EDNRB: variants seen among roughly 807,000 people sequenced by gnomAD.
EDNRB encodes Hirschsprung disease 2.
Under a neutral mutation model 46.4 loss-of-function variants are expected in EDNRB, and 18 were observed. The observed-to-expected ratio is 0.39, with a 90% CI of 0.27 to 0.57. The LOEUF is 0.57. Among genes scored for constraint, EDNRB ranks in the 20% least tolerant of loss-of-function variants. The pLI is 0.61. For synonymous variants in EDNRB, 213 were observed against 204.9 expected, an observed-to-expected ratio of 1.04 and a Z score of -0.34; for missense variants, 434 against 537.5, an observed-to-expected ratio of 0.81 and a Z score of 1.90.
At chr13:77,942,943 A>C (rs918390356) in intron 1 of EDNRB, among the ~76,000 whole-genome samples, 4 of 152,152 alleles carry the variant, frequency 2.6e-5, no homozygotes, top group African/African-American at 9.6e-5. Flanking sequence ...GTATTTGCAA[A>C]GATCTGCCTA....
intron 1 of EDNRB, among the ~76,000 whole-genome samples, chr13:77,940,587 A>C (rs1347261192): frequency 6.6e-6 from 1 of 152,236 alleles, no homozygotes. Context: ...CACCAACTTA[A>C]GATGACTGTG....
chr13:77,897,660 C>T lies in EDNRB; in HGVS notation c.*540G>A, dbSNP rs202145168. ...TGATCATTTAAATGTTTCCAGTGTC[C>T]GAAAAATGCAACAACTAAACTGCTC... On this transcript the variant is annotated 3_prime_UTR_variant, in exon 7 of 7. Coordinates refer to ENST00000646607, the MANE Select transcript of EDNRB (RefSeq NM_001122659.3). The T allele has an allele frequency of 2.0e-5, 20 of 986,198 alleles. No homozygotes were observed. Among genetic ancestry groups the T allele is most frequent in the African/African-American group, 1.2e-4 (7 of 57,128 alleles). 61.1% of individuals were successfully genotyped at this position (986,198 alleles called of 1,614,324 possible). A position where few individuals can be genotyped will look rare whatever the true frequency, so the allele number is the denominator to read the frequency against.
chr13:77,906,539 T>A (rs1436222106), intron 1 of EDNRB, among the ~76,000 whole-genome samples: 1 of 152,006 alleles, frequency 6.6e-6, no homozygotes, highest in Non-Finnish European at 1.5e-5. Context: ...GGAACACTTA[T>A]TCTGGGGGAG....
At chr13:77,947,224 T>C (rs918891102) in intron 1 of EDNRB, among the ~76,000 whole-genome samples, 5 of 152,160 alleles carry the variant, frequency 3.3e-5, no homozygotes, top group Admixed American at 6.5e-5. Flanking sequence ...GGCACTGTTT[T>C]TGCAATCATC....
At chr13:77,965,325 A>T (rs890084739) in intron 1 of EDNRB, among the ~76,000 whole-genome samples, 7 of 152,202 alleles carry the variant, frequency 4.6e-5, no homozygotes, top group African/African-American at 1.7e-4. Context: ...AAGTGTGAAC[A>T]TTAGATTAAA....
intron 1 of EDNRB, among the ~76,000 whole-genome samples, chr13:77,960,467 C>A (rs954491164): frequency 6.6e-6 from 1 of 152,102 alleles, no homozygotes; most frequent in African/African-American, 2.4e-5. Flanking sequence ...GAAATAAAAT[C>A]CTTTACAGAC....
At chr13:77,971,385 A>G (rs1881724736) in intron 1 of EDNRB, among the ~76,000 whole-genome samples, 1 of 152,180 alleles carries the variant, frequency 6.6e-6, no homozygotes, top group Non-Finnish European at 1.5e-5. Flanking sequence ...TAACAGGGCC[A>G]TTGCTGCCAG....
intron 1 of EDNRB, among the ~76,000 whole-genome samples, chr13:77,952,913 G>A (rs1399172093): frequency 6.6e-6 from 1 of 152,140 alleles, no homozygotes; most frequent in African/African-American, 2.4e-5. Flanking sequence ...TATGGAAAGC[G>A]TTGTACAAGG....
intron 1 of EDNRB, among the ~76,000 whole-genome samples, chr13:77,945,876 C>CAAAAAAAAAAAAAAAAA (rs67463440): frequency 1.7e-5 from 2 of 115,586 alleles, no homozygotes; most frequent in African/African-American, 3.2e-5. Flanking sequence ...TGCAAAAAAC[C>CAAAAAAAAAAAAAAAAA]AAAAAAAAAA....
At chr13:77,899,187 G>C (rs1878795360) in intron 6 of EDNRB, among the ~76,000 whole-genome samples, 1 of 151,844 alleles carries the variant, frequency 6.6e-6, no homozygotes. Context: ...GGCTGCCTTA[G>C]TGTTTACGCG....
upstream of EDNRB, chr13:77,919,061 T>A: frequency 1.9e-6 from 1 of 534,954 alleles, no homozygotes; most frequent in Non-Finnish European, 2.8e-6. Flanking sequence ...GGGGAACCTC[T>A]ATACCCCGCG....
intron 1 of EDNRB, among the ~76,000 whole-genome samples, chr13:77,964,692 G>T (rs950396711): frequency 6.6e-6 from 1 of 152,120 alleles, no homozygotes; most frequent in Non-Finnish European, 1.5e-5. Flanking sequence ...AAGAGTTAAT[G>T]GGTGTAGCAC....
At chr13:77,905,738 C>A (rs1008116345) in intron 1 of EDNRB, among the ~76,000 whole-genome samples, 1 of 152,018 alleles carries the variant, frequency 6.6e-6, no homozygotes, top group African/African-American at 2.4e-5. Context: ...GTAAGCCATG[C>A]GAAGAGCATT....
rs1046252347 is a variant in EDNRB at position 77,903,100 on chromosome 13, T to C, written c.801+56A>G. On this transcript the variant is annotated intron_variant, in intron 3 of 6. Transcript: ENST00000646607. ...CAAGGAGTGGGGAACAGGGGAAAAATAGCTAAATATTTATAAGGCAAGAGC... is the reference window on the plus strand; with the variant it reads ...CAAGGAGTGGGGAACAGGGGAAAAACAGCTAAATATTTATAAGGCAAGAGC... 2.0e-5 allele frequency: 32 copies of C among 1,586,946 alleles called. No homozygotes were observed. In the African/African-American group the frequency reaches 4.2e-4, roughly 21 times the overall value.
chr13:77,903,970 G>T (rs1191115275), intron 1 of EDNRB, among the ~76,000 whole-genome samples: 4 of 151,940 alleles, frequency 2.6e-5, no homozygotes, highest in East Asian at 3.9e-4. Context: ...CAAAATATGG[G>T]TTAATTAAAA....
intron 1 of EDNRB, among the ~76,000 whole-genome samples, chr13:77,930,546 G>A (rs1407155157): frequency 6.6e-6 from 1 of 152,168 alleles, no homozygotes; most frequent in Non-Finnish European, 1.5e-5. Flanking sequence ...TTGGATGTTT[G>A]TTCTCAAGAA....
chr13:77,964,593 A>G (rs1024654263), intron 1 of EDNRB, among the ~76,000 whole-genome samples: 3 of 152,198 alleles, frequency 2.0e-5, no homozygotes, highest in African/African-American at 7.2e-5. Flanking sequence ...ACACTCGGAC[A>G]CAGGAAGGGG....
At chr13:77,934,579 C>A (rs1416525912) in intron 1 of EDNRB, among the ~76,000 whole-genome samples, 1 of 150,780 alleles carries the variant, frequency 6.6e-6, no homozygotes. Context: ...AGTGTCTACT[C>A]AGACTAAGAG....
At chr13:77,919,528 T>C (rs1053510265), upstream of EDNRB, 1 of 1,612,790 alleles carries the variant, frequency 6.2e-7, no homozygotes, top group Non-Finnish European at 8.5e-7. Context: ...GGTCCGGCTC[T>C]GACGAAACGC....
Sources: allele counts gnomAD v4.1 joint callset (sites outside exome capture counted in the v4.1 genomes callset), GRCh38; gene constraint gnomAD v4.1.1; transcripts MANE v1.5; gene names NCBI Gene and HGNC (gene_info 2026-07-23, HGNC 2026-07-21).